The following KCNQ1 variants were observed in gnomAD, a reference collection of about 807,000 sequenced individuals.
KCNQ1 encodes the protein potassium voltage-gated channel subfamily KQT member 1.
In KCNQ1, 49 loss-of-function variants were observed where a neutral mutation model predicts 72.4. The ratio of observed to expected loss-of-function variants is 0.68; its 90% CI spans 0.54 to 0.86. The LOEUF is 0.86. Among genes scored for constraint, KCNQ1 ranks in the 40% least tolerant of loss-of-function variants. The pLI, the probability that KCNQ1 is intolerant of heterozygous loss-of-function variation, is 0.00. For synonymous variants in KCNQ1, 450 were observed against 412.6 expected (o/e 1.09, Z -1.10); for missense variants, 790 against 945.1 (o/e 0.84, Z 2.15).
At chr11:2,773,073 C>T (rs1044025646) in intron 12 of KCNQ1, among the ~76,000 whole-genome samples, 2 of 152,246 alleles carry the variant, frequency 1.3e-5, no homozygotes, top group Non-Finnish European at 2.9e-5. Flanking sequence ...GTCATCCTCA[C>T]TCCCTCCCTT....
At chr11:2,523,754 T>TTTTTTG (rs1847439614) in intron 1 of KCNQ1, among the ~76,000 whole-genome samples, 1 of 145,094 alleles carries the variant, frequency 6.9e-6, no homozygotes, top group African/African-American at 2.6e-5. Context: ...GTTTACAGTT[T>TTTTTTG]TTTTTTTTTT....
At chr11:2,727,225 A>G (rs1407247068) in intron 11 of KCNQ1, among the ~76,000 whole-genome samples, 1 of 152,178 alleles carries the variant, frequency 6.6e-6, no homozygotes, top group Non-Finnish European at 1.5e-5. Flanking sequence ...AGGGACAAGG[A>G]GGCAGCTTGG....
At chr11:2,793,724 A>G (rs1192971592) in intron 15 of KCNQ1, among the ~76,000 whole-genome samples, 4 of 152,124 alleles carry the variant, frequency 2.6e-5, no homozygotes, top group African/African-American at 9.7e-5. Flanking sequence ...AAGCAAAGGA[A>G]TCCTTCTGAA....
At chr11:2,751,095 G>A (rs571745507) in intron 11 of KCNQ1, among the ~76,000 whole-genome samples, 3 of 152,208 alleles carry the variant, frequency 2.0e-5, no homozygotes, top group East Asian at 1.9e-4. Flanking sequence ...CACAGCCCCC[G>A]CACCCCACAG....
chr11:2,794,652 C>T (rs544238905), intron 15 of KCNQ1, among the ~76,000 whole-genome samples: 7 of 152,152 alleles, frequency 4.6e-5, no homozygotes, highest in South Asian at 2.1e-4. Flanking sequence ...CATGGAGGGG[C>T]GTCAGGGAGT....
rs573647712 is a variant in KCNQ1, at chr11:2,687,953, A to G, written c.1514+25872A>G. The G allele has an allele frequency of 1.5e-5, 6 of 398,680 alleles. No individual in the cohort carries two copies. The highest frequency in any genetic ancestry group is 2.7e-5 in the Non-Finnish European group (6 of 226,206). The allele number at this position is 398,680 out of a possible 1,614,324, so 24.7% of individuals were successfully genotyped here. A position where few individuals can be genotyped will look rare whatever the true frequency, so the allele number is the denominator to read the frequency against. ...GCACTTCTCCCACCCGCTGTGGGTC[A>G]GCCAGGCCGCTGCTTCCTGCTTCCC... On this transcript the variant is annotated intron_variant, in intron 11 of 15. Coordinates refer to ENST00000155840, the MANE Select transcript of KCNQ1 (RefSeq NM_000218.3). The surrounding 1 kb of genome is among the most constrained non-coding windows in gnomAD (Gnocchi z 5.0).
At chr11:2,840,030 C>T (rs773145824) in intron 15 of KCNQ1, 1 of 152,108 alleles carries the variant, frequency 6.6e-6, no homozygotes, top group Non-Finnish European at 1.5e-5. Flanking sequence ...GGCACCGACC[C>T]CCGAACTGCC....
rs572246076 is a variant in KCNQ1, at chr11:2,617,981, G to T, written c.1393+29127G>T. 176 of 398,458 alleles carry T rather than the reference G, an allele frequency of 4.4e-4. No individual in the cohort carries two copies. Among genetic ancestry groups the T allele is most frequent in the Middle Eastern group, 6.3e-4 (1 of 1,588 alleles). The allele number at this position is 398,458 out of a possible 1,614,324, so 24.7% of individuals were successfully genotyped here. A position where few individuals can be genotyped will look rare whatever the true frequency, so the allele number is the denominator to read the frequency against. On this transcript the variant is annotated intron_variant, in intron 10 of 15. Coordinates refer to ENST00000155840, the MANE Select transcript of KCNQ1 (RefSeq NM_000218.3). This position sits in a 1 kb window ranked among gnomAD's most constrained non-coding sequence, Gnocchi z 4.6. ...GGCAAATATTTTCTTCTAGTCCATA[G>T]GTTGCCTTTTCCTTTTGTTGACTGT...
At chr11:2,520,058 G>A (rs547030774) in intron 1 of KCNQ1, among the ~76,000 whole-genome samples, 4 of 152,376 alleles carry the variant, frequency 2.6e-5, no homozygotes, top group Non-Finnish European at 2.9e-5. Context: ...CACCCCCCAG[G>A]ATGACGTATG....
chr11:2,763,345 C>A (rs1022577433), intron 11 of KCNQ1, among the ~76,000 whole-genome samples: 1 of 149,608 alleles, frequency 6.7e-6, no homozygotes, highest in Non-Finnish European at 1.5e-5. Context: ...GAGAGGATCA[C>A]TTGAGCCCAG....
chr11:2,664,790 C>T lies in KCNQ1; in HGVS notation c.1514+2709C>T. 2.5e-6 allele frequency: 1 copy of T among 398,628 alleles called. No individual in the cohort carries two copies. The allele number at this position is 398,628 out of a possible 1,614,324, so 24.7% of individuals were successfully genotyped here. A position where few individuals can be genotyped will look rare whatever the true frequency, so the allele number is the denominator to read the frequency against. On this transcript the variant is annotated intron_variant, in intron 11 of 15. Coordinates refer to ENST00000155840, the MANE Select transcript of KCNQ1 (RefSeq NM_000218.3). The surrounding 1 kb of genome is among the most constrained non-coding windows in gnomAD (Gnocchi z 5.1). ...GGGCAGAGTGGGTGGGAGGCAGTTA[C>T]CAAAAAACATTTCCATTTTTCTTCA...
chr11:2,628,941 T>G (rs1849306693), intron 10 of KCNQ1: 1 of 398,300 alleles, frequency 2.5e-6, no homozygotes, highest in Non-Finnish European at 4.4e-6. Context: ...GTGGGTTTAT[T>G]TCTATGCTTT....
rs1167505141 is a variant in KCNQ1 at position 2,610,716 on chromosome 11, C to CTTT, written c.1393+21889_1393+21891dup. ...TTCTGGACACAGTATTCTTGGTTGGCTTTTTTTTTTTTTTTTTTTTTTTTT... is the reference window on the plus strand; with the variant it reads ...TTCTGGACACAGTATTCTTGGTTGGCTTTTTTTTTTTTTTTTTTTTTTTTTTTT... On this transcript the variant is annotated intron_variant, in intron 10 of 15. Transcript: ENST00000155840. The CTTT allele has an allele frequency of 7.6e-4, 175 of 229,966 alleles. 1 individual carries two copies. Among genetic ancestry groups the CTTT allele is most frequent in the South Asian group, 1.7e-3 (5 of 3,028 alleles). The allele number at this position is 229,966 out of a possible 1,614,324, so 14.2% of individuals were successfully genotyped here.
At chr11:2,836,076 C>T (rs529933635) in intron 15 of KCNQ1, among the ~76,000 whole-genome samples, 129 of 147,066 alleles carry the variant, frequency 8.8e-4, no homozygotes, top group Non-Finnish European at 1.5e-3. Context: ...CGTGGCGTGG[C>T]GGGGGTGGGG....
rs951291166 is a variant in KCNQ1 at position 2,661,302 on chromosome 11, CAG to C, written c.1394-654_1394-653del. 17 of 400,812 alleles carry C rather than the reference CAG, an allele frequency of 4.2e-5. No individual in the cohort carries two copies. The highest frequency in any genetic ancestry group is 1.4e-4 in the African/African-American group (7 of 48,730). 24.8% of individuals were successfully genotyped at this position (400,812 alleles called of 1,614,324 possible). A position where few individuals can be genotyped will look rare whatever the true frequency, so the allele number is the denominator to read the frequency against. ...CAAGAGCAAATACTGATAGTGTCAA[CAG>C]AGAGTGGGGAGTGATAAGGATCAGT... On this transcript the variant is annotated intron_variant, in intron 10 of 15. Coordinates refer to ENST00000155840, the MANE Select transcript of KCNQ1 (RefSeq NM_000218.3). This position sits in a 1 kb window ranked among gnomAD's most constrained non-coding sequence, Gnocchi z 5.9.
intron 1 of KCNQ1, among the ~76,000 whole-genome samples, chr11:2,455,590 C>T (rs10832090): frequency 0.61 from 92,232 of 152,196 alleles, 32,477 homozygotes; most frequent in Non-Finnish European, 0.79. Context: ...AAAAACATTC[C>T]ATGCTGATGG....
intron 11 of KCNQ1, chr11:2,688,602 C>A: frequency 2.5e-6 from 1 of 398,744 alleles, no homozygotes; most frequent in Non-Finnish European, 4.4e-6. Flanking sequence ...AGGCCAGGCA[C>A]TCATCTTGTG....
intron 1 of KCNQ1, among the ~76,000 whole-genome samples, chr11:2,472,228 T>C (rs1846491915): frequency 6.7e-6 from 1 of 149,934 alleles, no homozygotes; most frequent in Admixed American, 6.6e-5. Flanking sequence ...TGTGTGTTCA[T>C]GTATATATGG....
intron 10 of KCNQ1, among the ~76,000 whole-genome samples, chr11:2,605,894 A>C (rs922509436): frequency 2.0e-5 from 3 of 152,308 alleles, no homozygotes; most frequent in African/African-American, 7.2e-5. Flanking sequence ...AACAATATTA[A>C]GTCTTCCAGT....
Sources: gnomAD v4.1 joint callset for allele counts (sites outside exome capture counted in the v4.1 genomes callset) on GRCh38, gnomAD v4.1.1 for gene constraint, Gnocchi (gnomAD v3.1) non-coding constraint, MANE v1.5 for transcripts, NCBI Gene and HGNC (gene_info 2026-07-23, HGNC 2026-07-21) for gene names.